SIPA1L2: variants seen among roughly 807,000 people sequenced by gnomAD.
SIPA1L2 encodes signal-induced proliferation-associated 1-like protein 2.
A neutral mutation model predicts 163.9 loss-of-function variants in SIPA1L2; 56 were observed. The observed-to-expected ratio is 0.34, with a 90% CI of 0.28 to 0.43. The LOEUF (loss-of-function observed/expected upper bound fraction) is 0.43, where lower values mean the gene tolerates loss of function less well. Ranked by LOEUF, SIPA1L2 falls within the 20% of genes least tolerant of loss-of-function variation. SIPA1L2 has a pLI of 1.00. For missense variants in SIPA1L2, 1,974 were observed against 2,193.5 expected, an observed-to-expected ratio of 0.90 and a Z score of 2.00; for synonymous variants, 877 against 865.7, an observed-to-expected ratio of 1.01 and a Z score of -0.23.
chr1:232,445,887 T>TTGAG, intron 10 of SIPA1L2, 101 bp from the exon 11 acceptor site: 5 of 1,354,830 alleles, frequency 3.7e-6, no homozygotes, highest in Non-Finnish European at 5.1e-6. Context: ...ACATGGTGTG[T>TTGAG]GCCTCTCCCG....
At chr1:232,531,099 TA>T (rs1465984943) in intron 2 of SIPA1L2, among the ~76,000 whole-genome samples, 5 of 152,342 alleles carry the variant, frequency 3.3e-5, no homozygotes, top group Non-Finnish European at 5.9e-5. Flanking sequence ...AAGCACTTTC[TA>T]AATGCCTTTT....
rs142701842 is a variant in SIPA1L2, at chr1:232,435,156, A to C, written c.4032-2685T>G. ...ACTCAAAGTCATGGTCTAGTTAATA[A>C]GCTGCATGTGTGTAGGTTACTCACC... On this transcript the variant is annotated intron_variant, in intron 15 of 22. Coordinates refer to ENST00000674635, the MANE Select transcript of SIPA1L2 (RefSeq NM_020808.5). Among the ~76,000 whole-genome samples, 105 of 152,318 alleles carry C rather than the reference A, an allele frequency of 6.9e-4. No individual in the cohort carries two copies. The Middle Eastern group carries it at 0.014, about 20-fold the overall frequency.
chr1:232,606,559 T>C (rs1191867591), intron 1 of SIPA1L2, among the ~76,000 whole-genome samples: 2 of 151,294 alleles, frequency 1.3e-5, no homozygotes, highest in Admixed American at 6.6e-5. Flanking sequence ...GATAATTAAA[T>C]AAAATAATGT....
chr1:232,625,486 A>C (rs181542044), intron 1 of SIPA1L2, among the ~76,000 whole-genome samples: 4 of 152,350 alleles, frequency 2.6e-5, no homozygotes, highest in Admixed American at 2.6e-4. Context: ...GCAAGATGGA[A>C]AGACGAGGTT....
chr1:232,434,760 G>T (rs904616656), intron 15 of SIPA1L2, among the ~76,000 whole-genome samples: 2 of 152,280 alleles, frequency 1.3e-5, no homozygotes, highest in East Asian at 3.9e-4. Flanking sequence ...AAAGGGAAAG[G>T]ATAGTAGCAT....
intron 3 of SIPA1L2, among the ~76,000 whole-genome samples, chr1:232,508,682 A>G (rs1243131683): frequency 3.9e-5 from 6 of 152,254 alleles, no homozygotes; most frequent in Admixed American, 6.5e-5. Flanking sequence ...AATGAGTCCC[A>G]TCAGAGAAAC....
chr1:232,481,325 G>C (rs1180493020), intron 6 of SIPA1L2, among the ~76,000 whole-genome samples: 1 of 152,100 alleles, frequency 6.6e-6, no homozygotes, highest in Non-Finnish European at 1.5e-5. Flanking sequence ...AAAACCAAAG[G>C]CTGGATGATG....
At chr1:232,586,613 A>G (rs926410207) in intron 1 of SIPA1L2, among the ~76,000 whole-genome samples, 4 of 152,274 alleles carry the variant, frequency 2.6e-5, no homozygotes, top group Non-Finnish European at 5.9e-5. Context: ...AATTTCTTTT[A>G]ATGAAGAATT....
chr1:232,455,800 CA>C (rs1406532039), intron 10 of SIPA1L2, among the ~76,000 whole-genome samples: 1 of 151,760 alleles, frequency 6.6e-6, no homozygotes, highest in East Asian at 1.9e-4. Flanking sequence ...TCTTTTGCAG[CA>C]ACACAGGTGG....
At chr1:232,469,854 A>G (rs997913668) in intron 8 of SIPA1L2, among the ~76,000 whole-genome samples, 1 of 146,126 alleles carries the variant, frequency 6.8e-6, no homozygotes, top group Admixed American at 6.7e-5. Context: ...AATTAAACAG[A>G]GTTGTTTAAT....
At chr1:232,400,797 C>T (rs904405845) in intron 22 of SIPA1L2, among the ~76,000 whole-genome samples, 1 of 152,040 alleles carries the variant, frequency 6.6e-6, no homozygotes, top group Admixed American at 6.6e-5. Context: ...ATCTTCAAAC[C>T]CCACCCTCCT....
At chr1:232,588,899 T>C (rs1480800970) in intron 1 of SIPA1L2, among the ~76,000 whole-genome samples, 2 of 152,238 alleles carry the variant, frequency 1.3e-5, no homozygotes, top group Non-Finnish European at 2.9e-5. Flanking sequence ...CAGGTGGTTA[T>C]ATTGTTATTT....
chr1:232,595,754 C>T lies in SIPA1L2; in HGVS notation c.-318-21532G>A, dbSNP rs181842194. Among the ~76,000 whole-genome samples, 59 of 152,170 alleles carry T rather than the reference C, an allele frequency of 3.9e-4. No individual in the cohort carries two copies. The East Asian group carries it at 0.011, about 27-fold the overall frequency. On this transcript the variant is annotated intron_variant, in intron 1 of 22. Coordinates refer to ENST00000674635, the MANE Select transcript of SIPA1L2 (RefSeq NM_020808.5). ...TGACCATTTTCTTCCAATGCTCATT[C>T]GAAAATGAAACCCTTTTTAGGGTTT...
At chr1:232,439,613 T>C (rs992327800) in intron 14 of SIPA1L2, 117 bp from the exon 15 acceptor site, 24 of 1,204,778 alleles carry the variant, frequency 2.0e-5, no homozygotes, top group Non-Finnish European at 2.7e-5. Context: ...CTACTCACTC[T>C]TCAATGTGGG....
chr1:232,588,895 G>T (rs986641873), intron 1 of SIPA1L2, among the ~76,000 whole-genome samples: 1 of 152,132 alleles, frequency 6.6e-6, no homozygotes, highest in Admixed American at 6.5e-5. Flanking sequence ...CATACAGGTG[G>T]TTATATTGTT....
chr1:232,589,701 T>C (rs1253320934), intron 1 of SIPA1L2, among the ~76,000 whole-genome samples: 3 of 152,218 alleles, frequency 2.0e-5, no homozygotes, highest in Non-Finnish European at 2.9e-5. Flanking sequence ...GCTTTTCAGC[T>C]GATCTTCCCT....
intron 9 of SIPA1L2, among the ~76,000 whole-genome samples, chr1:232,462,719 G>A (rs1296844625): frequency 2.6e-5 from 4 of 152,108 alleles, no homozygotes. Flanking sequence ...ATCAAAAGAC[G>A]ACACATAAGA....
At chr1:232,450,424 G>A (rs1240407483) in intron 10 of SIPA1L2, among the ~76,000 whole-genome samples, 2 of 152,196 alleles carry the variant, frequency 1.3e-5, no homozygotes, top group Non-Finnish European at 2.9e-5. Flanking sequence ...GGTCAGATAT[G>A]ACAGTAGATA....
chr1:232,556,173 T>C (rs537226933), intron 2 of SIPA1L2, among the ~76,000 whole-genome samples: 33 of 152,356 alleles, frequency 2.2e-4, no homozygotes, highest in Admixed American at 1.8e-3. Flanking sequence ...AAAGCTTACC[T>C]TTCTGTCTGT....
Sources: allele counts gnomAD v4.1 joint callset (sites outside exome capture counted in the v4.1 genomes callset), GRCh38; gene constraint gnomAD v4.1.1; transcripts MANE v1.5; gene names NCBI Gene and HGNC (gene_info 2026-07-23, HGNC 2026-07-21).